The following MRPS28 variants were observed in gnomAD, a reference collection of about 807,000 sequenced individuals.
The protein encoded by MRPS28 is small ribosomal subunit protein bS1m.
MRPS28 carries 7 observed loss-of-function variants against 10.8 expected under a neutral mutation model. The observed-to-expected ratio is 0.65, with a 90% CI of 0.37 to 1.22. The LOEUF (loss-of-function observed/expected upper bound fraction) is 1.22, where lower values mean the gene tolerates loss of function less well. Ranked by LOEUF, MRPS28 falls within the 50% of genes most tolerant of loss-of-function variation. MRPS28 has a pLI of 0.02. For synonymous variants in MRPS28, 121 were observed against 93.3 expected, an observed-to-expected ratio of 1.30 and a Z score of -1.71; for missense variants, 265 against 232.9, an observed-to-expected ratio of 1.14 and a Z score of -0.90.
intron 2 of MRPS28, among the ~76,000 whole-genome samples, chr8:79,993,740 G>A (rs1213477525): frequency 6.6e-6 from 1 of 152,000 alleles, no homozygotes; most frequent in Non-Finnish European, 1.5e-5. Context: ...TTTTTAATGT[G>A]TTCCATGTCC....
At chr8:79,978,506 A>G (rs118031355) in intron 2 of MRPS28, among the ~76,000 whole-genome samples, 1 of 152,328 alleles carries the variant, frequency 6.6e-6, no homozygotes, top group East Asian at 1.9e-4. Context: ...GACTTTGCAT[A>G]TATTTCATAC....
intron 2 of MRPS28, among the ~76,000 whole-genome samples, chr8:79,996,525 T>C (rs1004667478): frequency 2.6e-5 from 4 of 152,222 alleles, no homozygotes; most frequent in African/African-American, 9.6e-5. Context: ...TTCTGGTTCA[T>C]AGATTAACTA....
intron 2 of MRPS28, among the ~76,000 whole-genome samples, chr8:79,955,102 T>C (rs775039937): frequency 7.9e-5 from 12 of 152,206 alleles, no homozygotes; most frequent in South Asian, 2.1e-4. Context: ...AAAGAGTCGA[T>C]AAGGTACTGC....
At chr8:79,922,305 G>C (rs1377031780) in intron 2 of MRPS28, among the ~76,000 whole-genome samples, 3 of 152,136 alleles carry the variant, frequency 2.0e-5, no homozygotes, top group Admixed American at 2.0e-4. Flanking sequence ...ACACCTTGAA[G>C]TAGAGAGAAC....
intron 2 of MRPS28, among the ~76,000 whole-genome samples, chr8:79,985,378 G>C (rs1246915690): frequency 2.0e-5 from 3 of 152,078 alleles, no homozygotes; most frequent in Non-Finnish European, 2.9e-5. Context: ...AAAAAAGCAA[G>C]AGCAAACACA....
At chr8:80,008,048 T>C (rs200366521) in intron 1 of MRPS28, among the ~76,000 whole-genome samples, 10 of 151,920 alleles carry the variant, frequency 6.6e-5, no homozygotes, top group Non-Finnish European at 1.5e-4. Context: ...GTAACCAAAA[T>C]AGCATGATAC....
At chr8:79,954,877 G>A (rs888015615) in intron 2 of MRPS28, among the ~76,000 whole-genome samples, 4 of 152,236 alleles carry the variant, frequency 2.6e-5, no homozygotes, top group East Asian at 1.9e-4. Context: ...GGTGTGCACC[G>A]TAGTCCCAGT....
chr8:79,977,687 G>A (rs1807840276), intron 2 of MRPS28, among the ~76,000 whole-genome samples: 1 of 151,912 alleles, frequency 6.6e-6, no homozygotes, highest in Non-Finnish European at 1.5e-5. Context: ...TGTGGTGGTG[G>A]ATGCCTACAG....
rs9657048 is a variant in MRPS28, at chr8:80,026,914, G to A, written c.213+3122C>T. Among the ~76,000 whole-genome samples the A allele has an allele frequency of 5.6e-3, 855 of 151,898 alleles. 9 individuals carry two copies. Among genetic ancestry groups the A allele is most frequent in the African/African-American group, 0.02 (826 of 41,408 alleles). The stretch of plus-strand genomic sequence containing the variant: ...ATAGCATTTTATATTCATTCATTAA[G>A]AAAAAAAATTATTTTTTAGAGTACT... On this transcript the variant is annotated intron_variant, in intron 1 of 2. Coordinates refer to ENST00000276585, the MANE Select transcript of MRPS28 (RefSeq NM_014018.3).
chr8:80,008,387 C>G (rs1233285255), intron 1 of MRPS28, among the ~76,000 whole-genome samples: 1 of 152,072 alleles, frequency 6.6e-6, no homozygotes, highest in Non-Finnish European at 1.5e-5. Flanking sequence ...TCTAAAACAC[C>G]AAAAGCAATG....
intron 2 of MRPS28, among the ~76,000 whole-genome samples, chr8:79,954,001 T>G (rs536208657): frequency 1.1e-4 from 17 of 152,280 alleles, no homozygotes; most frequent in Middle Eastern, 3.4e-3. Context: ...CCTACCAGAA[T>G]GGCTATATTT....
chr8:79,965,028 A>G (rs1321655855), intron 2 of MRPS28, among the ~76,000 whole-genome samples: 1 of 152,154 alleles, frequency 6.6e-6, no homozygotes, highest in East Asian at 1.9e-4. Context: ...TGGATGCTGT[A>G]TATGTGACAT....
Position 79,919,102 on chromosome 8 carries a change from C to T in MRPS28, c.442G>A (p.Glu148Lys), listed in dbSNP as rs1474005563. Residue 148 changes from glutamate (E) to lysine (K), a missense_variant, in exon 3 of 3, where the codon GAA (glutamate) becomes AAA (lysine). Coordinates refer to ENST00000276585, the MANE Select transcript of MRPS28 (RefSeq NM_014018.3). ...GCTCCCAGGAACCTAGACGTAAGTTCAAGATCTAATAGCCGCAACCGGACC... is the reference window on the plus strand; with the variant it reads ...GCTCCCAGGAACCTAGACGTAAGTTTAAGATCTAATAGCCGCAACCGGACC... ...TRVRLRLLDL[E>K]LTSRFLGATT... 9.3e-6 allele frequency: 15 copies of T among 1,608,402 alleles called. No homozygotes were observed. The highest frequency in any genetic ancestry group is 1.3e-5 in the Non-Finnish European group (15 of 1,177,734).
intron 2 of MRPS28, among the ~76,000 whole-genome samples, chr8:79,928,606 A>AT (rs1806368045): frequency 1.3e-5 from 2 of 151,852 alleles, no homozygotes; most frequent in Admixed American, 1.3e-4. Flanking sequence ...CACCTGGCTA[A>AT]TTTTTTGTAT....
At chr8:79,980,392 T>C (rs539193111) in intron 2 of MRPS28, among the ~76,000 whole-genome samples, 1 of 152,342 alleles carries the variant, frequency 6.6e-6, no homozygotes, top group African/African-American at 2.4e-5. Flanking sequence ...TAATAAATGT[T>C]GGCTATAATG....
chr8:79,958,233 C>T lies in MRPS28; in HGVS notation c.396-39085G>A. 3.6e-5 allele frequency: 21 copies of T among 577,040 alleles called. No individual in the cohort carries two copies. In the South Asian group the frequency reaches 4.5e-4, roughly 12 times the overall value. The allele number at this position is 577,040 out of a possible 1,614,324, so 35.7% of individuals were successfully genotyped here. A position where few individuals can be genotyped will look rare whatever the true frequency, so the allele number is the denominator to read the frequency against. ...TCTCTGTGGATTTGTCTATTCTGAA[C>T]ATTTCATATAAATGGAATCATACAA... On this transcript the variant is annotated intron_variant, in intron 2 of 2. Transcript: ENST00000276585.
chr8:80,013,755 A>G lies in MRPS28; in HGVS notation c.214-10575T>C, dbSNP rs1414032584. 2.0e-5 allele frequency among the ~76,000 whole-genome samples: 3 copies of G among 152,118 alleles called. No individual in the cohort carries two copies. The East Asian group carries it at 5.8e-4, about 29-fold the overall frequency. ...TAGCAAGAAAAAAATTTCAACATGC[A>G]TCTCCAAAAATGACCCACTTCTATT... On this transcript the variant is annotated intron_variant, in intron 1 of 2. Coordinates refer to ENST00000276585, the MANE Select transcript of MRPS28 (RefSeq NM_014018.3).
intron 2 of MRPS28, among the ~76,000 whole-genome samples, chr8:79,994,984 AC>A (rs1487323796): frequency 6.6e-6 from 1 of 152,134 alleles, no homozygotes; most frequent in Non-Finnish European, 1.5e-5. Flanking sequence ...ATCCTTTGCA[AC>A]CCAGTTCTAT....
intron 2 of MRPS28, among the ~76,000 whole-genome samples, chr8:79,920,712 C>T (rs1810069086): frequency 6.6e-6 from 1 of 152,138 alleles, no homozygotes; most frequent in African/African-American, 2.4e-5. Context: ...GAGTAGATTG[C>T]AAAAATTTTC....
Sources: gnomAD v4.1 joint callset for allele counts (sites outside exome capture counted in the v4.1 genomes callset) on GRCh38, gnomAD v4.1.1 for gene constraint, MANE v1.5 for transcripts, NCBI Gene and HGNC (gene_info 2026-07-23, HGNC 2026-07-21) for gene names.